Variants in TTN observed in about 807,000 individuals in gnomAD.
TTN encodes the protein titin, also known as connectin.
Under a neutral mutation model 3,223.0 loss-of-function variants are expected in TTN, and 1,525 were observed. The ratio of observed to expected loss-of-function variants is 0.47; its 90% CI spans 0.45 to 0.49. The LOEUF is 0.49. TTN is among the 20% of genes least tolerant of loss of function. The probability of loss-of-function intolerance (pLI) is 0.00; values close to 1 mark genes in which losing one functional copy is unlikely to be tolerated. For synonymous variants in TTN, 14,094 were observed against 15,161.0 expected (o/e 0.93, Z 5.17); for missense variants, 40,786 against 43,424.0 (o/e 0.94, Z 5.40).
chr2:178,575,136 T>A lies in TTN; in HGVS notation c.70996A>T (p.Thr23666Ser). 6.2e-7 allele frequency: 1 copy of A among 1,612,906 alleles called. No homozygotes were observed. Among genetic ancestry groups the A allele is most frequent in the Non-Finnish European group, 8.5e-7 (1 of 1,179,388 alleles). ...AGAATTTGGTCTCCTTTTTTCCATG[T>A]CACTGTGGGCTTCGGTCGACCGAGC... is the stretch of plus-strand genomic sequence containing the variant. ...PVLGRPKPTVTWKKGDQILKQ... is the reference protein window; with the variant it reads ...PVLGRPKPTVSWKKGDQILKQ... Residue 23666 changes from threonine (T) to serine (S), a missense_variant, in exon 326 of 363, where the codon ACA becomes TCA. Transcript: ENST00000589042. The surrounding 1 kb of genome is among the most constrained non-coding windows in gnomAD (Gnocchi z 4.0).
Position 178,652,738 on chromosome 2 carries a change from T to G in TTN, c.38960-2A>C. 5 of 1,612,508 alleles carry G rather than the reference T, an allele frequency of 3.1e-6. No individual in the cohort carries two copies. The highest frequency in any genetic ancestry group is 4.2e-6 in the Non-Finnish European group (5 of 1,179,294). On this transcript the variant is annotated splice_acceptor_variant, in intron 200 of 362. Coordinates refer to ENST00000589042, the MANE Select transcript of TTN (RefSeq NM_001267550.2). LOFTEE classifies it high-confidence loss of function. ...CAACCTCTTTGGGAGCCTCTGGTACTTAAAAGATATTAGTGAAATTACATT... is the reference window on the plus strand; with the variant it reads ...CAACCTCTTTGGGAGCCTCTGGTACGTAAAAGATATTAGTGAAATTACATT...
Position 178,740,019 on chromosome 2 carries a change from G to A in TTN, c.13214C>T (p.Ala4405Val). Residue 4405 changes from alanine to valine, a missense_variant, in exon 48 of 363, where the codon GCA becomes GTA. By Grantham distance (64) the Ala-to-Val change is moderately conservative. Transcript: ENST00000589042. ...LKIQICRALQ[A>V]AVASEQPGLF... ...ACCTGGCTGCTCGCTGGCCACGGCT[G>A]CTTGCAAAGCCCGGCAGATTTGAAT... 1 of 1,613,842 alleles carries A rather than the reference G, an allele frequency of 6.2e-7. No individual in the cohort carries two copies. The highest frequency in any genetic ancestry group is 8.5e-7 in the Non-Finnish European group (1 of 1,179,828).
At chr2:178,555,553 G>GT (rs1194877454) in intron 330 of TTN, 1 of 188,902 alleles carries the variant, frequency 5.3e-6, no homozygotes, top group Non-Finnish European at 1.1e-5. Flanking sequence ...TGATATCCAA[G>GT]TGTGGATGGT....
Position 178,589,191 on chromosome 2 carries a change from G to T in TTN, c.62534C>A (p.Thr20845Lys). Reference protein sequence around the residue: ...KRSDGGKYVVTATNTAGSFVA... With the variant: ...KRSDGGKYVVKATNTAGSFVA... The stretch of plus-strand genomic sequence containing the variant: ...AAAACTGCCAGCCGTGTTAGTTGCC[G>T]TAACTACATATTTACCCCCATCACT... The change falls in exon 304 of 363, where the codon ACG (threonine) becomes AAG (lysine). Residue 20845 changes from threonine to lysine, a missense_variant. Thr to Lys is a moderately conservative substitution (Grantham distance 78). Coordinates refer to ENST00000589042, the MANE Select transcript of TTN (RefSeq NM_001267550.2). 6.2e-7 allele frequency: 1 copy of T among 1,613,488 alleles called. No individual in the cohort carries two copies.
chr2:178,649,118 A>G, intron 213 of TTN, 130 bp downstream of exon 213: 1 of 711,850 alleles, frequency 1.4e-6, no homozygotes, highest in South Asian at 2.8e-5. Flanking sequence ...TTTTCCCTTC[A>G]TTATTTCCCT....
intron 240 of TTN, among the ~76,000 whole-genome samples, 191 bp from the exon 241 acceptor site, chr2:178,625,587 T>C (rs571282489): frequency 6.6e-5 from 10 of 152,112 alleles, no homozygotes; most frequent in African/African-American, 2.4e-4. Context: ...TTTATTATTA[T>C]TATACTTTAA....
At chr2:178,791,812 A>C (rs1417734029) in intron 10 of TTN, among the ~76,000 whole-genome samples, 1 of 152,028 alleles carries the variant, frequency 6.6e-6, no homozygotes, top group Non-Finnish European at 1.5e-5. Flanking sequence ...TCATCCATTT[A>C]TGTATGTTCT....
chr2:178,587,424 A>T lies in TTN; in HGVS notation c.63794-7T>A, dbSNP rs1401733771. 13 of 1,605,004 alleles carry T rather than the reference A, an allele frequency of 8.1e-6. No individual in the cohort carries two copies. Among genetic ancestry groups the T allele is most frequent in the Non-Finnish European group, 1.1e-5 (13 of 1,175,878 alleles). ...GACACAGGCCCAGGAGTGTCTGTAA[A>T]GAATCATAAAATCAGATATACATGT... On this transcript the variant is annotated splice_polypyrimidine_tract_variant and splice_region_variant and intron_variant, in intron 306 of 362. Coordinates refer to ENST00000589042, the MANE Select transcript of TTN (RefSeq NM_001267550.2).
At chr2:178,646,454 AAAG>A (rs1225234910) in intron 216 of TTN, 28 bp downstream of exon 216, 1 of 1,427,964 alleles carries the variant, frequency 7.0e-7, no homozygotes, top group Non-Finnish European at 9.6e-7. Flanking sequence ...AGAATATGAT[AAAG>A]AAGATTTAAG....
Position 178,591,042 on chromosome 2 carries a change from T to C in TTN, c.60683A>G (p.Lys20228Arg). 1 of 1,613,440 alleles carries C rather than the reference T, an allele frequency of 6.2e-7. No individual in the cohort carries two copies. Among genetic ancestry groups the C allele is most frequent in the Non-Finnish European group, 8.5e-7 (1 of 1,179,556 alleles). The change falls in exon 304 of 363, where the codon AAG becomes AGG. Residue 20228 changes from lysine (K) to arginine (R), a missense_variant. By Grantham distance (26) the Lys-to-Arg change is conservative (BLOSUM62 2). Coordinates refer to ENST00000589042, the MANE Select transcript of TTN (RefSeq NM_001267550.2). The part of the protein sequence containing the change: ...TWGVVSSGSS[K>R]TKLKIPHLQK... ...CAGATGTGGGATTTTCAGCTTTGTCTTACTGCTTCCGGAAGAGACAACACC... is the reference window on the plus strand; with the variant it reads ...CAGATGTGGGATTTTCAGCTTTGTCCTACTGCTTCCGGAAGAGACAACACC...
intron 47 of TTN, chr2:178,744,639 A>G (rs1375538493): frequency 2.1e-6 from 2 of 947,390 alleles, no homozygotes; most frequent in Admixed American, 1.2e-4. Flanking sequence ...TTATTTATAT[A>G]TAATCTGAAA....
In TTN at chr2:178,666,212, A is replaced by C. The variant is rs531775397; in HGVS notation, c.35876-421T>G. On this transcript the variant is annotated intron_variant, in intron 163 of 362. Transcript: ENST00000589042. Reference sequence around the variant, plus strand: ...GAGAGGAGAACAACCAAAAGATTCCAGACTGAGAAAAAATATCAAAATATT... The same window carrying C: ...GAGAGGAGAACAACCAAAAGATTCCCGACTGAGAAAAAATATCAAAATATT... Among the ~76,000 whole-genome samples, 187 of 152,274 alleles carry C rather than the reference A, an allele frequency of 1.2e-3. 5 individuals are homozygous for C. The highest frequency in any genetic ancestry group is 0.011 in the Admixed American group (168 of 15,274).
chr2:178,584,035 CG>C, intron 311 of TTN, 129 bp from the exon 312 acceptor site: 1 of 1,153,800 alleles, frequency 8.7e-7, no homozygotes, highest in Non-Finnish European at 1.2e-6. Context: ...TTTTAATAAC[CG>C]TCCAACTAGT....
At position 178,557,704 on chromosome 2, in the gene TTN, C is replaced by T. The variant is rs749606240; in HGVS notation, c.87650G>A (p.Arg29217His). The stretch of plus-strand genomic sequence containing the variant: ...ATCTATATGATCACTGATGCCAAAG[C>T]GGTTTTCTGCCTTGATGCGGAATTG... Reference protein sequence around the residue: ...EYQFRIKAENRFGISDHIDSA... With the variant: ...EYQFRIKAENHFGISDHIDSA... Residue 29217 changes from arginine (R) to histidine (H), a missense_variant, in exon 328 of 363, where the codon CGC (arginine) becomes CAC (histidine). Transcript: ENST00000589042. 2.3e-5 allele frequency: 37 copies of T among 1,613,844 alleles called. No homozygotes were observed. The Middle Eastern group carries it at 4.9e-4, about 22-fold the overall frequency.
chr2:178,541,439 C>A lies in TTN; in HGVS notation c.97638G>T (p.Trp32546Cys). 3.7e-6 allele frequency: 6 copies of A among 1,613,422 alleles called. No homozygotes were observed. The highest frequency in any genetic ancestry group is 5.1e-6 in the Non-Finnish European group (6 of 1,179,592). The change falls in exon 350 of 363, where the codon TGG (tryptophan) becomes TGT (cysteine). Residue 32546 changes from tryptophan to cysteine, a missense_variant. Trp to Cys is a radical substitution (Grantham distance 215). Transcript: ENST00000589042. ...TCACAGGTACTTTATTTACACGGACCCATCGATCTGCTCTCACTTCTTTGC... is the reference window on the plus strand; with the variant it reads ...TCACAGGTACTTTATTTACACGGACACATCGATCTGCTCTCACTTCTTTGC... The part of the protein sequence containing the change: ...VERKEVRADR[W>C]VRVNKVPVTM...
At chr2:178,582,662 TGGGCTGCA>T in intron 313 of TTN, 70 bp from the exon 314 acceptor site, 1 of 1,397,294 alleles carries the variant, frequency 7.2e-7, no homozygotes, top group Non-Finnish European at 9.5e-7. Context: ...TCTGGAGACC[TGGGCTGCA>T]GTCTTTCTAT....
chr2:178,585,083 A>C lies in TTN; in HGVS notation c.64661T>G (p.Val21554Gly). 1.2e-6 allele frequency: 2 copies of C among 1,605,208 alleles called. No homozygotes were observed. The highest frequency in any genetic ancestry group is 2.2e-5 in the South Asian group (2 of 89,396). ...AATACTTAACTTACCCATGACTACAACTTTGATTTTCTGAGTGTCTGTCCC... is the reference window on the plus strand; with the variant it reads ...AATACTTAACTTACCCATGACTACACCTTTGATTTTCTGAGTGTCTGTCCC... ...SSGTDTQKIK[V>G]VVMDAPGPPQ... Residue 21554 changes from valine (V) to glycine (G), a missense_variant, in exon 309 of 363, where the codon GTT becomes GGT. Physicochemically the swap from Val to Gly is moderately radical, Grantham distance 109. Coordinates refer to ENST00000589042, the MANE Select transcript of TTN (RefSeq NM_001267550.2).
At position 178,609,796 on chromosome 2, in the gene TTN, T is replaced by C. The variant is rs1411757023; in HGVS notation, c.51627A>G (p.Ala17209=). 1.2e-6 allele frequency: 2 copies of C among 1,612,956 alleles called. No individual in the cohort carries two copies. The change falls in exon 272 of 363, where the codon GCA becomes GCG. Residue 17209 remains alanine, a synonymous_variant. Coordinates refer to ENST00000589042, the MANE Select transcript of TTN (RefSeq NM_001267550.2). The stretch of plus-strand genomic sequence containing the variant: ...ACTCTTTCCCCTCTTCAAGTCCTTT[T>C]GCTGTATAGGTCAGGATTGGTACCA... The part of the protein sequence containing the change: ...EHLVPILTYT[A]KGLEEGKEYQ...
chr2:178,727,881 G>T lies in TTN; in HGVS notation c.19715-18C>A, dbSNP rs756378767. 2.0e-6 allele frequency: 3 copies of T among 1,528,742 alleles called. No homozygotes were observed. The highest frequency in any genetic ancestry group is 2.6e-6 in the Non-Finnish European group (3 of 1,142,544). The allele number at this position is 1,528,742 out of a possible 1,614,324, so 94.7% of individuals were successfully genotyped here. A position where few individuals can be genotyped will look rare whatever the true frequency, so the allele number is the denominator to read the frequency against. On this transcript the variant is annotated intron_variant, in intron 67 of 362. Coordinates refer to ENST00000589042, the MANE Select transcript of TTN (RefSeq NM_001267550.2). ...TGGTGGTTCTATAGATTTTAAGAGA[G>T]ATATATTTAATTAAATTGCTTGCAG...
Sources: allele counts gnomAD v4.1 joint callset (sites outside exome capture counted in the v4.1 genomes callset), GRCh38; gene constraint gnomAD v4.1.1; non-coding constraint Gnocchi (gnomAD v3.1); transcripts MANE v1.5; gene names NCBI Gene and HGNC (gene_info 2026-07-23, HGNC 2026-07-21).